The following SLC44A1 variants were observed in gnomAD, a reference collection of about 807,000 sequenced individuals.
SLC44A1 encodes choline transporter-like protein 1.
Under a neutral mutation model 79.3 loss-of-function variants are expected in SLC44A1, and 26 were observed. The ratio of observed to expected loss-of-function variants is 0.33; its 90% CI spans 0.24 to 0.46. The LOEUF is 0.46. SLC44A1 is among the 20% of genes least tolerant of loss of function. SLC44A1 has a pLI of 1.00. For synonymous variants in SLC44A1, 263 were observed against 286.2 expected (o/e 0.92, Z 0.82); for missense variants, 688 against 798.1 (o/e 0.86, Z 1.66).
chr9:105,291,686 G>C (rs1286423533), intron 1 of SLC44A1, among the ~76,000 whole-genome samples: 1 of 152,196 alleles, frequency 6.6e-6, no homozygotes, highest in East Asian at 1.9e-4. Flanking sequence ...AGGTATAGTG[G>C]CTTTTCATCA....
intron 3 of SLC44A1, among the ~76,000 whole-genome samples, chr9:105,332,150 C>T (rs1484785356): frequency 1.4e-5 from 2 of 139,350 alleles, no homozygotes; most frequent in South Asian, 2.2e-4. Flanking sequence ...GACACAGTCT[C>T]GCTCTGTTGC....
intron 15 of SLC44A1, among the ~76,000 whole-genome samples, chr9:105,430,820 C>T (rs952267151): frequency 1.7e-4 from 26 of 152,086 alleles, no homozygotes; most frequent in African/African-American, 6.3e-4. Context: ...TATGGTAATC[C>T]TGTATTTAAC....
intron 15 of SLC44A1, among the ~76,000 whole-genome samples, chr9:105,431,899 G>C (rs115772965): frequency 6.6e-6 from 1 of 152,160 alleles, no homozygotes; most frequent in African/African-American, 2.4e-5. Context: ...GCCAAAGACA[G>C]TAAGCTGATT....
intron 15 of SLC44A1, among the ~76,000 whole-genome samples, chr9:105,421,916 C>T (rs1829256486): frequency 6.6e-6 from 1 of 152,158 alleles, no homozygotes; most frequent in Admixed American, 6.5e-5. Context: ...CTTCAGCACA[C>T]TGGTGCATTG....
At chr9:105,343,141 A>G (rs1036579945) in intron 4 of SLC44A1, among the ~76,000 whole-genome samples, 19 of 152,062 alleles carry the variant, frequency 1.2e-4, no homozygotes, top group Admixed American at 2.0e-4. Flanking sequence ...TATCTTCCCT[A>G]ACACAGTAGT....
chr9:105,329,898 C>T (rs894545397), intron 3 of SLC44A1, among the ~76,000 whole-genome samples: 1 of 152,008 alleles, frequency 6.6e-6, no homozygotes, highest in Non-Finnish European at 1.5e-5. Flanking sequence ...TTTCTCTAAC[C>T]CCTTATCCTC....
chr9:105,383,429 CT>C, intron 14 of SLC44A1, 70 bp downstream of exon 14: 1 of 889,370 alleles, frequency 1.1e-6, no homozygotes, highest in Non-Finnish European at 1.8e-6. Context: ...GTAAAACATT[CT>C]CTATATTTAA....
intron 3 of SLC44A1, among the ~76,000 whole-genome samples, chr9:105,322,420 T>C (rs982134983): frequency 2.6e-5 from 4 of 152,216 alleles, no homozygotes; most frequent in South Asian, 2.1e-4. Flanking sequence ...ATCAGTCTTA[T>C]GATTTTTAAA....
At chr9:105,342,130 A>T (rs866515294) in intron 4 of SLC44A1, among the ~76,000 whole-genome samples, 16 of 152,232 alleles carry the variant, frequency 1.1e-4, no homozygotes, top group African/African-American at 3.6e-4. Context: ...CACATACGGT[A>T]GTTCTCCCTT....
intron 15 of SLC44A1, among the ~76,000 whole-genome samples, chr9:105,434,358 A>G (rs1829437042): frequency 6.6e-6 from 1 of 152,134 alleles, no homozygotes; most frequent in Non-Finnish European, 1.5e-5. Context: ...AAGGAAATAA[A>G]ATAGTTTGCA....
intron 1 of SLC44A1, among the ~76,000 whole-genome samples, chr9:105,268,565 G>A (rs940289544): frequency 6.6e-6 from 1 of 151,780 alleles, no homozygotes; most frequent in Non-Finnish European, 1.5e-5. Context: ...ATGCAGTGGC[G>A]CGATCTCTGC....
At chr9:105,426,344 T>G (rs983874308) in intron 15 of SLC44A1, among the ~76,000 whole-genome samples, 1 of 152,224 alleles carries the variant, frequency 6.6e-6, no homozygotes, top group Non-Finnish European at 1.5e-5. Flanking sequence ...ACATTGACAT[T>G]TACATTCCCT....
chr9:105,377,634 G>A (rs1316264747), intron 13 of SLC44A1, among the ~76,000 whole-genome samples: 1 of 151,502 alleles, frequency 6.6e-6, no homozygotes, highest in Non-Finnish European at 1.5e-5. Flanking sequence ...GTGGTGGCGA[G>A]TGGCTGTAGT....
At chr9:105,416,673 C>T (rs1333271386) in intron 15 of SLC44A1, among the ~76,000 whole-genome samples, 3 of 152,176 alleles carry the variant, frequency 2.0e-5, no homozygotes, top group Non-Finnish European at 4.4e-5. Flanking sequence ...ATAATATGTT[C>T]TTATAAAGTG....
intron 1 of SLC44A1, among the ~76,000 whole-genome samples, chr9:105,259,432 G>T (rs1270977075): frequency 6.6e-6 from 1 of 152,148 alleles, no homozygotes; most frequent in Admixed American, 6.5e-5. Flanking sequence ...GAAGAAAATG[G>T]CCTCAATAAA....
intron 15 of SLC44A1, among the ~76,000 whole-genome samples, chr9:105,417,853 A>C (rs539948089): frequency 5.1e-4 from 78 of 151,682 alleles, no homozygotes; most frequent in East Asian, 1.8e-3. Flanking sequence ...AAAAAAAAAA[A>C]AAAAAACAAT....
intron 1 of SLC44A1, among the ~76,000 whole-genome samples, chr9:105,268,417 C>T (rs1468948043): frequency 1.3e-5 from 2 of 152,058 alleles, no homozygotes. Flanking sequence ...GGAAGGGAGC[C>T]GAATTCAGTG....
In SLC44A1 at chr9:105,389,234, A is replaced by T; in HGVS notation, c.*178A>T. On this transcript the variant is annotated 3_prime_UTR_variant, in exon 16 of 16. Coordinates refer to ENST00000374720, the MANE Select transcript of SLC44A1 (RefSeq NM_080546.5). ...CAGAGAAAAGGAACAGGGATTTAAT[A>T]CCTTTTTTATGCTTATTTTTGTCAA... The T allele has an allele frequency of 7.8e-7, 1 of 1,282,428 alleles. No individual in the cohort carries two copies. The highest frequency in any genetic ancestry group is 9.9e-7 in the Non-Finnish European group (1 of 1,010,462). The allele number at this position is 1,282,428 out of a possible 1,614,324, so 79.4% of individuals were successfully genotyped here.
intron 1 of SLC44A1, among the ~76,000 whole-genome samples, chr9:105,279,551 C>T (rs983009435): frequency 6.6e-6 from 1 of 151,966 alleles, no homozygotes; most frequent in Non-Finnish European, 1.5e-5. Flanking sequence ...CTCTTGACCT[C>T]GTGAGCCGCC....
Sources: allele counts gnomAD v4.1 joint callset (sites outside exome capture counted in the v4.1 genomes callset), GRCh38; gene constraint gnomAD v4.1.1; transcripts MANE v1.5; gene names NCBI Gene and HGNC (gene_info 2026-07-23, HGNC 2026-07-21).